The following DYM variants were observed in gnomAD, a reference collection of about 807,000 sequenced individuals.
The protein encoded by DYM is dyggve-Melchior-Clausen syndrome protein.
In DYM, 78 loss-of-function variants were observed where a neutral mutation model predicts 93.1. The observed-to-expected ratio is 0.84, with a 90% CI of 0.70 to 1.01. The LOEUF (loss-of-function observed/expected upper bound fraction) is 1.01, where lower values mean the gene tolerates loss of function less well. Ranked by LOEUF, DYM falls within the 50% of genes least tolerant of loss-of-function variation. The probability of loss-of-function intolerance (pLI) is 0.00; values close to 1 mark genes in which losing one functional copy is unlikely to be tolerated. For synonymous variants in DYM, 321 were observed against 319.7 expected, an observed-to-expected ratio of 1.00 and a Z score of -0.04; for missense variants, 789 against 845.0, an observed-to-expected ratio of 0.93 and a Z score of 0.82.
chr18:49,126,647 T>C (rs1224918847), intron 15 of DYM, among the ~76,000 whole-genome samples: 3 of 84,054 alleles, frequency 3.6e-5, no homozygotes, highest in African/African-American at 4.7e-5. Flanking sequence ...AAATGGTATT[T>C]AATATTATTT....
intron 2 of DYM, among the ~76,000 whole-genome samples, chr18:49,404,419 C>G (rs541220286): frequency 8.5e-5 from 13 of 152,192 alleles, no homozygotes; most frequent in East Asian, 7.7e-4. Flanking sequence ...TATTTATTTT[C>G]TTTTGAATAT....
rs754301518 is a variant in DYM, at chr18:49,118,657, T to A, written c.1911+87A>T. On this transcript the variant is annotated intron_variant, in intron 16 of 17. Transcript: ENST00000675505. ...TAATGTTGAAAGAAGAAACTCTTAC[T>A]ATTATAGTTCTTACCAAGGCTTATT... The A allele has an allele frequency of 7.3e-6, 9 of 1,233,104 alleles. No homozygotes were observed. The South Asian group carries it at 1.0e-4, about 14-fold the overall frequency. The allele number at this position is 1,233,104 out of a possible 1,614,324, so 76.4% of individuals were successfully genotyped here.
At chr18:49,286,323 T>C in intron 9 of DYM, 111 bp downstream of exon 9, 1 of 1,261,878 alleles carries the variant, frequency 7.9e-7, no homozygotes, top group Non-Finnish European at 1.2e-6. Flanking sequence ...GTTTGACCAA[T>C]ATGAAAACAT....
intron 17 of DYM, among the ~76,000 whole-genome samples, chr18:49,078,387 T>TAA (rs201905779): frequency 8.8e-5 from 13 of 147,696 alleles, no homozygotes; most frequent in African/African-American, 1.5e-4. Context: ...CCACAAAAAT[T>TAA]AAAATATATA....
chr18:49,206,729 T>C (rs1600651042), intron 14 of DYM, among the ~76,000 whole-genome samples: 1 of 152,272 alleles, frequency 6.6e-6, no homozygotes, highest in East Asian at 1.9e-4. Context: ...CACTACACTA[T>C]ATTAACACTG....
chr18:49,326,770 A>G (rs1382644807), intron 8 of DYM, among the ~76,000 whole-genome samples: 2 of 152,220 alleles, frequency 1.3e-5, no homozygotes, highest in East Asian at 3.8e-4. Context: ...TATACTCAAT[A>G]AAGGAGACTT....
intron 2 of DYM, among the ~76,000 whole-genome samples, chr18:49,401,366 A>C (rs1379889525): frequency 6.6e-6 from 1 of 152,192 alleles, no homozygotes. Flanking sequence ...GCAGCAACAT[A>C]AACAGATGGG....
At chr18:49,422,156 A>T (rs1367306968) in intron 2 of DYM, among the ~76,000 whole-genome samples, 1 of 152,170 alleles carries the variant, frequency 6.6e-6, no homozygotes, top group Non-Finnish European at 1.5e-5. Context: ...TACAGAGAAC[A>T]CCACAAAGAT....
At chr18:49,215,048 G>C (rs2092964596) in intron 13 of DYM, among the ~76,000 whole-genome samples, 1 of 152,160 alleles carries the variant, frequency 6.6e-6, no homozygotes, top group Non-Finnish European at 1.5e-5. Context: ...TTGACAAATA[G>C]CCTCATTCCA....
intron 3 of DYM, among the ~76,000 whole-genome samples, chr18:49,383,064 G>A (rs764905390): frequency 6.6e-6 from 1 of 152,162 alleles, no homozygotes; most frequent in Non-Finnish European, 1.5e-5. Context: ...TACGTTGTGG[G>A]AAACTCCACC....
chr18:49,140,135 T>C (rs2084311555), intron 15 of DYM, among the ~76,000 whole-genome samples: 1 of 152,054 alleles, frequency 6.6e-6, no homozygotes, highest in African/African-American at 2.4e-5. Flanking sequence ...AGTAACATAA[T>C]AGTAAAAAGG....
At chr18:49,280,280 T>C (rs147252688) in intron 10 of DYM, among the ~76,000 whole-genome samples, 125 of 152,266 alleles carry the variant, frequency 8.2e-4, no homozygotes, top group African/African-American at 2.6e-3. Flanking sequence ...TAGTGATGGA[T>C]AGTGTAATTT....
At chr18:49,104,000 G>T (rs2080488045) in intron 16 of DYM, among the ~76,000 whole-genome samples, 1 of 152,172 alleles carries the variant, frequency 6.6e-6, no homozygotes, top group South Asian at 2.1e-4. Context: ...AATTACCTTG[G>T]GCAGTATGGC....
At chr18:49,266,029 A>G (rs1418789915) in intron 11 of DYM, among the ~76,000 whole-genome samples, 1 of 151,634 alleles carries the variant, frequency 6.6e-6, no homozygotes, top group African/African-American at 2.4e-5. Flanking sequence ...GTGTGGTGGT[A>G]CTTGCTTGTA....
At chr18:49,148,379 A>T (rs988789789) in intron 15 of DYM, among the ~76,000 whole-genome samples, 2 of 152,072 alleles carry the variant, frequency 1.3e-5, no homozygotes, top group Non-Finnish European at 2.9e-5. Flanking sequence ...AAAATAGAAA[A>T]TGTACTTTAA....
chr18:49,278,987 T>C (rs1258987368), intron 10 of DYM, among the ~76,000 whole-genome samples: 1 of 152,230 alleles, frequency 6.6e-6, no homozygotes, highest in Non-Finnish European at 1.5e-5. Flanking sequence ...ATTGTGTTCA[T>C]GTCCCTAATG....
chr18:49,205,995 TTTTTTTTG>T (rs1474599936), intron 14 of DYM: 1 of 161,694 alleles, frequency 6.2e-6, no homozygotes, highest in Non-Finnish European at 1.2e-5. Context: ...AGGTAGAGTT[TTTTTTTTG>T]TTTTTTTGTT....
At chr18:49,277,380 A>AAG (rs1211257485) in intron 10 of DYM, among the ~76,000 whole-genome samples, 1 of 152,174 alleles carries the variant, frequency 6.6e-6, no homozygotes, top group East Asian at 1.9e-4. Context: ...TAACACATAA[A>AAG]AGAGAGAGAA....
At chr18:49,435,207 C>CAAA (rs150003482) in intron 1 of DYM, among the ~76,000 whole-genome samples, 51 of 88,598 alleles carry the variant, frequency 5.8e-4, no homozygotes, top group Middle Eastern at 6.2e-3. Flanking sequence ...GACTCCATCT[C>CAAA]AAAAAAAAAA....
Sources: gnomAD v4.1 joint callset for allele counts (sites outside exome capture counted in the v4.1 genomes callset) on GRCh38, gnomAD v4.1.1 for gene constraint, MANE v1.5 for transcripts, NCBI Gene and HGNC (gene_info 2026-07-23, HGNC 2026-07-21) for gene names.